DCT: variants seen among roughly 807,000 people sequenced by gnomAD.
DCT encodes the protein dopachrome tautomerase, also known as L-dopachrome tautomerase.
Under a neutral mutation model 53.0 loss-of-function variants are expected in DCT, and 47 were observed. The observed-to-expected ratio is 0.89, with a 90% confidence interval of 0.70 to 1.13. The LOEUF (loss-of-function observed/expected upper bound fraction) is 1.13. Among genes scored for constraint, DCT ranks in the 50% most tolerant of loss-of-function variants. The pLI, the probability that DCT is intolerant of heterozygous loss-of-function variation, is 0.00. For missense variants in DCT, 669 were observed against 637.4 expected (o/e 1.05, Z -0.53); for synonymous variants, 244 against 237.0 (o/e 1.03, Z -0.27).
chr13:94,547,510 T>C, the DCT span, among the ~76,000 whole-genome samples: 4 of 152,120 alleles, frequency 2.6e-5, no homozygotes, highest in African/African-American at 4.8e-5. Flanking sequence ...TTCTTTCTTC[T>C]GAGGAGGCAA....
In DCT at chr13:94,462,070, C is replaced by A. The variant is rs1023580929; in HGVS notation, c.983G>T (p.Cys328Phe). Reference sequence around the variant, plus strand: ...ATTGTCAAACTTCTGGAGAGACAGGCAATCTCGTATGTCTTTTAAGGTTGG... The same window carrying A: ...ATTGTCAAACTTCTGGAGAGACAGGAAATCTCGTATGTCTTTTAAGGTTGG... Reference protein sequence around the residue: ...KLPTLKDIRDCLSLQKFDNPP... With the variant: ...KLPTLKDIRDFLSLQKFDNPP... The change falls in exon 5 of 8, where the codon TGC becomes TTC. Residue 328 changes from cysteine (C) to phenylalanine (F), a missense_variant. Cys to Phe is a radical substitution (Grantham distance 205, BLOSUM62 -2). Coordinates refer to ENST00000377028, the MANE Select transcript of DCT (RefSeq NM_001922.5). 6.2e-7 allele frequency: 1 copy of A among 1,613,222 alleles called. No homozygotes were observed. Among genetic ancestry groups the A allele is most frequent in the Non-Finnish European group, 8.5e-7 (1 of 1,179,800 alleles).
At chr13:94,481,096 T>C (rs1885422487), upstream of DCT, among the ~76,000 whole-genome samples, 1 of 152,208 alleles carries the variant, frequency 6.6e-6, no homozygotes, top group South Asian at 2.1e-4. Flanking sequence ...GCAGCTCCAA[T>C]GTCTGCCACA....
the DCT span, among the ~76,000 whole-genome samples, chr13:94,497,691 TGAG>T: frequency 3.3e-5 from 5 of 151,856 alleles, no homozygotes; most frequent in Non-Finnish European, 7.4e-5. Flanking sequence ...TTGAGTAGGC[TGAG>T]GAGGAGGAGG....
the DCT span, among the ~76,000 whole-genome samples, chr13:94,521,685 A>G: frequency 5.1e-5 from 7 of 136,458 alleles, no homozygotes; most frequent in African/African-American, 1.8e-4. Context: ...AAAACAAAAC[A>G]AAAACAAACA....
chr13:94,541,271 C>T, the DCT span, among the ~76,000 whole-genome samples: 6 of 151,972 alleles, frequency 3.9e-5, no homozygotes, highest in Admixed American at 1.3e-4. Flanking sequence ...TGGGAGGCCG[C>T]GGCAGGTGGA....
intron 1 of DCT, among the ~76,000 whole-genome samples, chr13:94,476,475 T>C (rs1411015059): frequency 6.8e-6 from 1 of 146,156 alleles, no homozygotes; most frequent in Non-Finnish European, 1.5e-5. Context: ...CTTTCTTTTT[T>C]TTTTTTTTTT....
At chr13:94,521,180 CTGAG>C in the DCT span, among the ~76,000 whole-genome samples, 1 of 152,190 alleles carries the variant, frequency 6.6e-6, no homozygotes, top group East Asian at 1.9e-4. Flanking sequence ...CTTAACCCCT[CTGAG>C]TTTCTGCTAC....
the DCT span, among the ~76,000 whole-genome samples, chr13:94,498,218 T>G: frequency 0.65 from 98,412 of 152,096 alleles, 32,043 homozygotes; most frequent in African/African-American, 0.69. Context: ...CATCAGTGAG[T>G]GAAAACAGGT....
At chr13:94,531,155 G>A in the DCT span, among the ~76,000 whole-genome samples, 1 of 152,272 alleles carries the variant, frequency 6.6e-6, no homozygotes, top group South Asian at 2.1e-4. Flanking sequence ...ACAAACAAAT[G>A]GAAGAACATT....
At chr13:94,547,760 C>T in the DCT span, among the ~76,000 whole-genome samples, 4 of 151,486 alleles carry the variant, frequency 2.6e-5, no homozygotes, top group Non-Finnish European at 4.4e-5. Flanking sequence ...GAGGCCAAGG[C>T]GGGTGGATTA....
chr13:94,497,533 CAT>C, the DCT span, among the ~76,000 whole-genome samples: 1 of 152,174 alleles, frequency 6.6e-6, no homozygotes, highest in Non-Finnish European at 1.5e-5. Flanking sequence ...TCAATGAACA[CAT>C]ATTTTATATG....
At position 94,470,113 on chromosome 13, in the gene DCT, AAGAG is replaced by A. The variant is rs1365506083; in HGVS notation, c.296-1072_296-1069del. Among the ~76,000 whole-genome samples, 10 of 152,220 alleles carry A rather than the reference AAGAG, an allele frequency of 6.6e-5. No homozygotes were observed. In the South Asian group the frequency reaches 1.0e-3, roughly 16 times the overall value. On this transcript the variant is annotated intron_variant, in intron 1 of 7. Transcript: ENST00000377028. ...AGAAAGAAAGAAAGGAAGAGAAAGA[AAGAG>A]AGAGAGAAAGAAAGAAAATAAATAC...
the DCT span, among the ~76,000 whole-genome samples, chr13:94,503,959 T>C: frequency 6.6e-6 from 1 of 152,254 alleles, no homozygotes; most frequent in Non-Finnish European, 1.5e-5. Context: ...ATGAATGGTG[T>C]TGGTTGTGCA....
upstream of DCT, among the ~76,000 whole-genome samples, chr13:94,480,155 T>C (rs764484567): frequency 2.0e-5 from 3 of 152,234 alleles, no homozygotes; most frequent in Non-Finnish European, 2.9e-5. Context: ...AATAACTTAC[T>C]CTTCTCCTAT....
At chr13:94,494,935 GATTT>G in the DCT span, among the ~76,000 whole-genome samples, 1 of 152,040 alleles carries the variant, frequency 6.6e-6, no homozygotes, top group Non-Finnish European at 1.5e-5. Flanking sequence ...TGTCATAATT[GATTT>G]AATTTCCCTG....
upstream of DCT, among the ~76,000 whole-genome samples, chr13:94,484,649 C>A (rs1885588468): frequency 6.6e-6 from 1 of 152,150 alleles, no homozygotes. Flanking sequence ...CAGAGAGCTT[C>A]CCTATTGCTG....
chr13:94,496,412 T>C, the DCT span, among the ~76,000 whole-genome samples: 2 of 152,076 alleles, frequency 1.3e-5, no homozygotes, highest in Non-Finnish European at 2.9e-5. Flanking sequence ...CAGGCTGGTC[T>C]CCAACTCCTG....
At chr13:94,534,343 A>G in the DCT span, among the ~76,000 whole-genome samples, 3 of 152,230 alleles carry the variant, frequency 2.0e-5, no homozygotes, top group Non-Finnish European at 2.9e-5. Context: ...GGAATGTACA[A>G]TGAGTCAGGG....
In DCT at chr13:94,439,889, A is replaced by T; in HGVS notation, c.*9T>A. On this transcript the variant is annotated 3_prime_UTR_variant, in exon 8 of 8. Coordinates refer to ENST00000377028, the MANE Select transcript of DCT (RefSeq NM_001922.5). Reference sequence around the variant, plus strand: ...GCCAGCCTCTTCTCTTAGGTAAGGCATGAGCACCCTAGGCTTCTTCTGTGT... The same window carrying T: ...GCCAGCCTCTTCTCTTAGGTAAGGCTTGAGCACCCTAGGCTTCTTCTGTGT... The T allele has an allele frequency of 6.2e-7, 1 of 1,608,478 alleles. No individual in the cohort carries two copies. The highest frequency in any genetic ancestry group is 8.5e-7 in the Non-Finnish European group (1 of 1,177,522).
Sources: gnomAD v4.1 joint callset for allele counts (sites outside exome capture counted in the v4.1 genomes callset) on GRCh38, gnomAD v4.1.1 for gene constraint, MANE v1.5 for transcripts, NCBI Gene and HGNC (gene_info 2026-07-23, HGNC 2026-07-21) for gene names.